The following INMT variants were observed in gnomAD, a reference collection of about 807,000 sequenced individuals.
INMT encodes indolethylamine N-methyltransferase, also known as amine N-methyltransferase.
In INMT, 11 loss-of-function variants were observed where a neutral mutation model predicts 11.5. That is an observed-to-expected ratio of 0.95 (90% CI 0.60 to 1.58). The LOEUF (loss-of-function observed/expected upper bound fraction) is 1.58. Among genes scored for constraint, INMT ranks in the 40% most tolerant of loss-of-function variants. The pLI is 0.00. For missense variants in INMT, 316 were observed against 336.1 expected (o/e 0.94, Z 0.47); for synonymous variants, 155 against 142.9 (o/e 1.08, Z -0.60).
At position 30,753,872 on chromosome 7, in the gene INMT, A is replaced by C; in HGVS notation, c.296A>C (p.Lys99Thr). The C allele has an allele frequency of 6.2e-7, 1 of 1,614,178 alleles. No homozygotes were observed. Among genetic ancestry groups the C allele is most frequent in the South Asian group, 1.1e-5 (1 of 91,070 alleles). Residue 99 changes from lysine to threonine, a missense_variant, in exon 2 of 3, where the codon AAG becomes ACG. Lys to Thr is a moderately conservative substitution (Grantham distance 78, BLOSUM62 -1). Transcript: ENST00000013222. ...CGGGAGGAGCTGGAAAAGTGGCTGA[A>C]GAAGGAGCCGGGGGCCTATGACTGG... is the stretch of plus-strand genomic sequence containing the variant. ...RNREELEKWL[K>T]KEPGAYDWTP...
chr7:30,752,257 A>T lies in INMT; in HGVS notation c.107A>T (p.Glu36Val). The stretch of plus-strand genomic sequence containing the variant: ...GATGGCAGCCCCTCACCCGAGGCCG[A>T]GATGCTGAAGTTTAACTTGGAATGT... ...SFDGSPSPEAEMLKFNLECLH... is the reference protein window; with the variant it reads ...SFDGSPSPEAVMLKFNLECLH... Residue 36 changes from glutamate to valine, a missense_variant, in exon 1 of 3, where the codon GAG becomes GTG. Coordinates refer to ENST00000013222, the MANE Select transcript of INMT (RefSeq NM_006774.5). 1 of 1,614,088 alleles carries T rather than the reference A, an allele frequency of 6.2e-7. No homozygotes were observed. Among genetic ancestry groups the T allele is most frequent in the Non-Finnish European group, 8.5e-7 (1 of 1,179,982 alleles).
In INMT at chr7:30,757,399, GA is replaced by G; in HGVS notation, c.*1550del. On this transcript the variant is annotated 3_prime_UTR_variant, in exon 3 of 3. Transcript: ENST00000013222. ...AGCTGTCCGTTTTGCAGATGGACAG[GA>G]AGGAGCCAGGACACAGCTCAGCTTG... The G allele has an allele frequency of 4.0e-6, 1 of 247,930 alleles. No homozygotes were observed. The highest frequency in any genetic ancestry group is 7.9e-6 in the Non-Finnish European group (1 of 126,924). 15.4% of individuals were successfully genotyped at this position (247,930 alleles called of 1,614,324 possible). A position where few individuals can be genotyped will look rare whatever the true frequency, so the allele number is the denominator to read the frequency against.
Position 30,755,493 on chromosome 7 carries a change from T to C in INMT, c.434T>C (p.Leu145Pro). ...VKRVLKCDVH[L>P]GNPLAPAVLP... ...CGGGTGCTCAAGTGCGATGTCCACC[T>C]GGGCAACCCGCTGGCCCCGGCTGTG... Residue 145 changes from leucine (L) to proline (P), a missense_variant, in exon 3 of 3, where the codon CTG becomes CCG. Physicochemically the swap from Leu to Pro is moderately conservative, Grantham distance 98. Transcript: ENST00000013222. 6.2e-7 allele frequency: 1 copy of C among 1,604,342 alleles called. No homozygotes were observed. The highest frequency in any genetic ancestry group is 8.5e-7 in the Non-Finnish European group (1 of 1,179,948).
rs1034386339 is a variant in INMT at position 30,756,028 on chromosome 7, C to A, written c.*177C>A. 2.8e-6 allele frequency: 4 copies of A among 1,416,518 alleles called. No homozygotes were observed. The highest frequency in any genetic ancestry group is 3.7e-6 in the Non-Finnish European group (4 of 1,089,800). The allele number at this position is 1,416,518 out of a possible 1,614,324, so 87.7% of individuals were successfully genotyped here. A position where few individuals can be genotyped will look rare whatever the true frequency, so the allele number is the denominator to read the frequency against. On this transcript the variant is annotated 3_prime_UTR_variant, in exon 3 of 3. Coordinates refer to ENST00000013222, the MANE Select transcript of INMT (RefSeq NM_006774.5). ...TTAGAATTCTAAGTTTCCAACATTC[C>A]TCATTCTAGGATCCTAGGAGTGGAA...
intron 1 of INMT, among the ~76,000 whole-genome samples, chr7:30,752,644 C>T (rs966964704): frequency 2.6e-5 from 4 of 152,166 alleles, no homozygotes; most frequent in African/African-American, 9.7e-5. Flanking sequence ...GCCTCTGGGG[C>T]CCCCAGAAGG....
chr7:30,755,530 C>T lies in INMT; in HGVS notation c.471C>T (p.Ala157=), dbSNP rs6966180. 10,649 of 1,611,010 alleles carry T rather than the reference C, an allele frequency of 6.6e-3. 587 individuals carry two copies. In the African/African-American group the frequency reaches 0.12, roughly 19 times the overall value. The change falls in exon 3 of 3, where the codon GCC becomes GCT. Residue 157 remains alanine, a synonymous_variant. Coordinates refer to ENST00000013222, the MANE Select transcript of INMT (RefSeq NM_006774.5). ...TGGCCCCGGCTGTGTTGCCTCTCGC[C>T]GACTGTGTGCTCACCCTGCTGGCCA... ...NPLAPAVLPL[A]DCVLTLLAME... is the part of the protein sequence containing the mutation.
chr7:30,754,020 C>A lies in INMT; in HGVS notation c.362+82C>A, dbSNP rs1376618201. ...TCCCTGGCCTCTTTGTTGTCTCTGA[C>A]ATTTTCAGGACAGTAGGACCTTCAG... On this transcript the variant is annotated intron_variant, in intron 2 of 2. Transcript: ENST00000013222. This position sits in a 1 kb window ranked among gnomAD's most constrained non-coding sequence, Gnocchi z 4.9. 4 of 1,404,766 alleles carry A rather than the reference C, an allele frequency of 2.8e-6. No homozygotes were observed. Among genetic ancestry groups the A allele is most frequent in the Admixed American group, 1.8e-5 (1 of 55,156 alleles). 87.0% of individuals were successfully genotyped at this position (1,404,766 alleles called of 1,614,324 possible).
rs1309709920 is a variant in INMT at position 30,754,009 on chromosome 7, G to T, written c.362+71G>T. On this transcript the variant is annotated intron_variant, in intron 2 of 2. Coordinates refer to ENST00000013222, the MANE Select transcript of INMT (RefSeq NM_006774.5). This position sits in a 1 kb window ranked among gnomAD's most constrained non-coding sequence, Gnocchi z 4.9. ...TCTCAGAAGTCTCCCTGGCCTCTTT[G>T]TTGTCTCTGACATTTTCAGGACAGT... 3 of 1,492,058 alleles carry T rather than the reference G, an allele frequency of 2.0e-6. No homozygotes were observed. Among genetic ancestry groups the T allele is most frequent in the Non-Finnish European group, 2.8e-6 (3 of 1,084,198 alleles). The allele number at this position is 1,492,058 out of a possible 1,614,324, so 92.4% of individuals were successfully genotyped here.
rs1347377403 is a variant in INMT, at chr7:30,754,424, C to T, written c.362+486C>T. Reference sequence around the variant, plus strand: ...TCACCTATCCATCCATCTATCCATCCGTCCATTCATCCATCCATCAATATT... The same window carrying T: ...TCACCTATCCATCCATCTATCCATCTGTCCATTCATCCATCCATCAATATT... On this transcript the variant is annotated intron_variant, in intron 2 of 2. Transcript: ENST00000013222. This position sits in a 1 kb window ranked among gnomAD's most constrained non-coding sequence, Gnocchi z 4.9. Among the ~76,000 whole-genome samples the T allele has an allele frequency of 7.3e-5, 11 of 150,680 alleles. No homozygotes were observed. The highest frequency in any genetic ancestry group is 2.7e-4 in the African/African-American group (11 of 40,960).
Position 30,754,917 on chromosome 7 carries a change from A to G in INMT, c.363-505A>G, listed in dbSNP as rs555701597. On this transcript the variant is annotated intron_variant, in intron 2 of 2. Coordinates refer to ENST00000013222, the MANE Select transcript of INMT (RefSeq NM_006774.5). This position sits in a 1 kb window ranked among gnomAD's most constrained non-coding sequence, Gnocchi z 4.9. The stretch of plus-strand genomic sequence containing the variant: ...TGCTTATCATTCCCTTTTTCAAAAA[A>G]TTTTTTTCTTGCATACTTATGTATA... Among the ~76,000 whole-genome samples the G allele has an allele frequency of 6.6e-6, 1 of 152,006 alleles. No individual in the cohort carries two copies. Among genetic ancestry groups the G allele is most frequent in the Non-Finnish European group, 1.5e-5 (1 of 68,016 alleles).
chr7:30,755,430 G>C lies in INMT; in HGVS notation c.371G>C (p.Trp124Ser). The C allele has an allele frequency of 6.3e-7, 1 of 1,594,672 alleles. No homozygotes were observed. The highest frequency in any genetic ancestry group is 8.5e-7 in the Non-Finnish European group (1 of 1,177,536). ...ACELEGNSGR[W>S]EEKEEKLRAA... is the part of the protein sequence containing the mutation. Reference sequence around the variant, plus strand: ...CCTCTCTCTCTCTGCAGCGGCCGATGGGAGGAGAAGGAGGAGAAGCTGCGG... The same window carrying C: ...CCTCTCTCTCTCTGCAGCGGCCGATCGGAGGAGAAGGAGGAGAAGCTGCGG... The change falls in exon 3 of 3, where the codon TGG becomes TCG. Residue 124 changes from tryptophan (W) to serine (S), a missense_variant. Coordinates refer to ENST00000013222, the MANE Select transcript of INMT (RefSeq NM_006774.5).
At position 30,755,738 on chromosome 7, in the gene INMT, GA is replaced by G. The variant is rs1442987236; in HGVS notation, c.680del (p.Asp227ValfsTer50). ...EKEEVEQAVL[D>X]AGFDIEQLLH... ...AGAGGAGGTGGAGCAGGCTGTCCTG[GA>G]TGCTGGCTTTGACATTGAACAGCTC... On this transcript the variant is annotated frameshift_variant, in exon 3 of 3. Transcript: ENST00000013222. LOFTEE classifies it low-confidence loss of function (END_TRUNC). 1.2e-6 allele frequency: 2 copies of G among 1,614,222 alleles called. No homozygotes were observed. Among genetic ancestry groups the G allele is most frequent in the Non-Finnish European group, 1.7e-6 (2 of 1,180,028 alleles).
In INMT at chr7:30,754,778, G is replaced by A. The variant is rs1167693037; in HGVS notation, c.363-644G>A. Among the ~76,000 whole-genome samples the A allele has an allele frequency of 6.6e-6, 1 of 152,050 alleles. No homozygotes were observed. The highest frequency in any genetic ancestry group is 2.4e-5 in the African/African-American group (1 of 41,384). ...GACTGACTATATAATGTATAATGAC[G>A]TGAACTCACCACCCAACCTGAGTAC... is the stretch of plus-strand genomic sequence containing the variant. On this transcript the variant is annotated intron_variant, in intron 2 of 2. Coordinates refer to ENST00000013222, the MANE Select transcript of INMT (RefSeq NM_006774.5). This position sits in a 1 kb window ranked among gnomAD's most constrained non-coding sequence, Gnocchi z 4.9.
Position 30,757,380 on chromosome 7 carries a change from C to A in INMT, c.*1529C>A. The stretch of plus-strand genomic sequence containing the variant: ...AAGAGAGAGAGAGAGCCAAAGCTGT[C>A]CGTTTTGCAGATGGACAGGAAGGAG... On this transcript the variant is annotated 3_prime_UTR_variant, in exon 3 of 3. Transcript: ENST00000013222. The A allele has an allele frequency of 4.1e-6, 1 of 243,462 alleles. No homozygotes were observed. Among genetic ancestry groups the A allele is most frequent in the South Asian group, 4.8e-5 (1 of 20,788 alleles). 15.1% of individuals were successfully genotyped at this position (243,462 alleles called of 1,614,324 possible). A position where few individuals can be genotyped will look rare whatever the true frequency, so the allele number is the denominator to read the frequency against.
Position 30,755,993 on chromosome 7 carries a change from C to A in INMT, c.*142C>A, listed in dbSNP as rs1433237518. On this transcript the variant is annotated 3_prime_UTR_variant, in exon 3 of 3. Transcript: ENST00000013222. ...ATCTTCTGAAATTCTGAGATTCTAACATCCTTGTTTTAGAATTCTAAGTTT... is the reference window on the plus strand; with the variant it reads ...ATCTTCTGAAATTCTGAGATTCTAAAATCCTTGTTTTAGAATTCTAAGTTT... The A allele has an allele frequency of 7.0e-7, 1 of 1,427,260 alleles. No homozygotes were observed. The highest frequency in any genetic ancestry group is 1.4e-5 in the African/African-American group (1 of 69,950). The allele number at this position is 1,427,260 out of a possible 1,614,324, so 88.4% of individuals were successfully genotyped here.
Position 30,753,844 on chromosome 7 carries a change from A to G in INMT, c.268A>G (p.Asn90Asp), listed in dbSNP as rs1786154417. ...CACTCTCTCCGACTTTACCGACCGC[A>G]ACCGGGAGGAGCTGGAAAAGTGGCT... The part of the protein sequence containing the change: ...DITLSDFTDR[N>D]REELEKWLKK... Residue 90 changes from asparagine to aspartate, a missense_variant, in exon 2 of 3, where the codon AAC becomes GAC. Coordinates refer to ENST00000013222, the MANE Select transcript of INMT (RefSeq NM_006774.5). The G allele has an allele frequency of 1.2e-6, 2 of 1,614,194 alleles. No individual in the cohort carries two copies. The highest frequency in any genetic ancestry group is 1.7e-6 in the Non-Finnish European group (2 of 1,180,038).
chr7:30,755,453 C>T lies in INMT; in HGVS notation c.394C>T (p.Arg132Trp), dbSNP rs367695595. 8.3e-5 allele frequency: 133 copies of T among 1,598,780 alleles called. No homozygotes were observed. The highest frequency in any genetic ancestry group is 5.1e-4 in the African/African-American group (38 of 74,896). The part of the protein sequence containing the change: ...GRWEEKEEKL[R>W]AAVKRVLKCD... ...ATGGGAGGAGAAGGAGGAGAAGCTG[C>T]GGGCAGCGGTGAAGCGGGTGCTCAA... The change falls in exon 3 of 3, where the codon CGG becomes TGG. Residue 132 changes from arginine to tryptophan, a missense_variant. Transcript: ENST00000013222.
chr7:30,752,873 C>T (rs1270381019), intron 1 of INMT, among the ~76,000 whole-genome samples: 3 of 152,158 alleles, frequency 2.0e-5, no homozygotes, highest in South Asian at 2.1e-4. Context: ...ATGATCACTG[C>T]CCTCCCCATG....
chr7:30,755,628 G>A lies in INMT; in HGVS notation c.569G>A (p.Gly190Asp), dbSNP rs1786219613. The A allele has an allele frequency of 2.5e-6, 4 of 1,614,252 alleles. No individual in the cohort carries two copies. The African/African-American group carries it at 5.3e-5, about 22-fold the overall frequency. ...AACCTTGCCTCACTGCTCAAGCCGGGTGGCCACCTGGTGACCACTGTCACG... is the reference window on the plus strand; with the variant it reads ...AACCTTGCCTCACTGCTCAAGCCGGATGGCCACCTGGTGACCACTGTCACG... ...LCNLASLLKP[G>D]GHLVTTVTLR... The change falls in exon 3 of 3, where the codon GGT (glycine) becomes GAT (aspartate). Residue 190 changes from glycine to aspartate, a missense_variant. Physicochemically the swap from Gly to Asp is moderately conservative, Grantham distance 94. Transcript: ENST00000013222.
Sources: gnomAD v4.1 joint callset for allele counts (sites outside exome capture counted in the v4.1 genomes callset) on GRCh38, gnomAD v4.1.1 for gene constraint, Gnocchi (gnomAD v3.1) non-coding constraint, MANE v1.5 for transcripts, NCBI Gene and HGNC (gene_info 2026-07-23, HGNC 2026-07-21) for gene names.